Variants in TOP2A observed in about 807,000 individuals in gnomAD.
TOP2A encodes DNA topoisomerase II alpha.
TOP2A carries 68 observed loss-of-function variants against 187.2 expected under a neutral mutation model. That is an observed-to-expected ratio of 0.36 (90% CI 0.30 to 0.44). The LOEUF (loss-of-function observed/expected upper bound fraction) is 0.44. TOP2A is among the 20% of genes least tolerant of loss of function. The probability of loss-of-function intolerance (pLI) is 1.00; values close to 1 mark genes in which losing one functional copy is unlikely to be tolerated. For missense variants in TOP2A, 1,196 were observed against 1,808.7 expected (o/e 0.66, Z 6.14); for synonymous variants, 542 against 593.2 (o/e 0.91, Z 1.25).
At chr17:40,396,900 G>GTTT (rs535683283) in intron 27 of TOP2A, among the ~76,000 whole-genome samples, 4 of 135,142 alleles carry the variant, frequency 3.0e-5, no homozygotes, top group African/African-American at 1.1e-4. Context: ...TTTTTTTTTT[G>GTTT]TTTTTTTTTT....
intron 16 of TOP2A, 143 bp downstream of exon 16, chr17:40,406,241 G>T: frequency 1.6e-6 from 1 of 639,452 alleles, no homozygotes; most frequent in Non-Finnish European, 2.5e-6. Flanking sequence ...CCTTCTCTGG[G>T]ATATGCTTAC....
intron 29 of TOP2A, 36 bp downstream of exon 29, chr17:40,395,413 T>G: frequency 7.0e-7 from 1 of 1,421,866 alleles, no homozygotes. Flanking sequence ...AATTTAATCT[T>G]CACTTTATAC....
chr17:40,400,128 T>A, intron 23 of TOP2A, 61 bp from the exon 24 acceptor site: 1 of 1,584,136 alleles, frequency 6.3e-7, no homozygotes, highest in Non-Finnish European at 8.6e-7. Flanking sequence ...TTTATAAAGG[T>A]AGACTAAGAT....
intron 4 of TOP2A, among the ~76,000 whole-genome samples, chr17:40,415,125 G>A (rs2035374408): frequency 6.6e-6 from 1 of 150,782 alleles, no homozygotes; most frequent in Non-Finnish European, 1.5e-5. Context: ...TGCAATCTCG[G>A]CTCACTGCAA....
At chr17:40,399,831 A>C in intron 24 of TOP2A, 41 bp downstream of exon 24, 1 of 1,518,846 alleles carries the variant, frequency 6.6e-7, no homozygotes, top group Non-Finnish European at 8.8e-7. Flanking sequence ...AGTTTGGCGT[A>C]ACTAGAGTTT....
At chr17:40,412,719 A>G in intron 7 of TOP2A, 40 bp downstream of exon 7, 1 of 1,537,572 alleles carries the variant, frequency 6.5e-7, no homozygotes, top group Non-Finnish European at 8.9e-7. Flanking sequence ...CAATGATTAC[A>G]AAATCCCTTA....
chr17:40,408,429 C>T (rs1000547976), intron 11 of TOP2A, 63 bp downstream of exon 11: 3 of 1,448,984 alleles, frequency 2.1e-6, no homozygotes, highest in African/African-American at 2.9e-5. Context: ...CCGTGGTATG[C>T]CATTAATGAA....
In TOP2A at chr17:40,411,890, C is replaced by T; in HGVS notation, c.790-72G>A. 7.9e-7 allele frequency: 1 copy of T among 1,261,332 alleles called. No homozygotes were observed. The highest frequency in any genetic ancestry group is 1.1e-6 in the Non-Finnish European group (1 of 924,334). 78.1% of individuals were successfully genotyped at this position (1,261,332 alleles called of 1,614,324 possible). ...TAGGTTCAATGATAGACTATGAGGA[C>T]TTTCCAAAACCAATGCAATGATGTT... On this transcript the variant is annotated intron_variant, in intron 7 of 34. Coordinates refer to ENST00000423485, the MANE Select transcript of TOP2A (RefSeq NM_001067.4). This position sits in a 1 kb window ranked among gnomAD's most constrained non-coding sequence, Gnocchi z 4.4.
chr17:40,416,587 G>A, intron 2 of TOP2A, 75 bp from the exon 3 acceptor site: 1 of 1,429,154 alleles, frequency 7.0e-7, no homozygotes, highest in East Asian at 2.3e-5. Context: ...ACCATAAAGT[G>A]TTCATATTAA....
chr17:40,400,386 T>C lies in TOP2A; in HGVS notation c.2823A>G (p.Glu941=). The part of the protein sequence containing the change: ...WTQTYKEQVL[E]PMLNGTEKTP... Reference sequence around the variant, plus strand: ...TCTTCTCGGTGCCATTCAACATGGGTTCTAGAACTTGTTCTTTGTATGTCT... The same window carrying C: ...TCTTCTCGGTGCCATTCAACATGGGCTCTAGAACTTGTTCTTTGTATGTCT... The change falls in exon 23 of 35, where the codon GAA becomes GAG. Residue 941 remains glutamate (E), a synonymous_variant. Transcript: ENST00000423485. The C allele has an allele frequency of 6.2e-7, 1 of 1,613,536 alleles. No individual in the cohort carries two copies. Among genetic ancestry groups the C allele is most frequent in the African/African-American group, 1.3e-5 (1 of 75,032 alleles).
Position 40,402,902 on chromosome 17 carries a change from C to T in TOP2A, c.2432+4G>A. On this transcript the variant is annotated splice_donor_region_variant and intron_variant, in intron 20 of 34. Transcript: ENST00000423485. ...AAGTCACTAGAAAGTGAAAGCATACCTACCTGAGCATTGTAAAGATGTATC... is the reference window on the plus strand; with the variant it reads ...AAGTCACTAGAAAGTGAAAGCATACTTACCTGAGCATTGTAAAGATGTATC... 2 of 1,594,742 alleles carry T rather than the reference C, an allele frequency of 1.3e-6. No homozygotes were observed. The highest frequency in any genetic ancestry group is 1.7e-6 in the Non-Finnish European group (2 of 1,169,142).
intron 1 of TOP2A, 101 bp downstream of exon 1, chr17:40,417,670 C>T: frequency 6.3e-7 from 1 of 1,580,146 alleles, no homozygotes; most frequent in South Asian, 1.1e-5. Flanking sequence ...AAGCCGGTCG[C>T]CGGCCTGACC....
Position 40,411,030 on chromosome 17 carries a change from C to G in TOP2A, c.1203+79G>C. 1 of 1,381,474 alleles carries G rather than the reference C, an allele frequency of 7.2e-7. No individual in the cohort carries two copies. Among genetic ancestry groups the G allele is most frequent in the South Asian group, 1.5e-5 (1 of 68,036 alleles). 85.6% of individuals were successfully genotyped at this position (1,381,474 alleles called of 1,614,324 possible). ...TGGAGAAGCTCACTATGAGAAGAAT[C>G]ATTGTTTCTGCAGAGCTAAGAAGTG... On this transcript the variant is annotated intron_variant, in intron 10 of 34. Coordinates refer to ENST00000423485, the MANE Select transcript of TOP2A (RefSeq NM_001067.4). This position sits in a 1 kb window ranked among gnomAD's most constrained non-coding sequence, Gnocchi z 4.4.
At chr17:40,394,209 T>C (rs1162130035) in intron 29 of TOP2A, among the ~76,000 whole-genome samples, 1 of 143,476 alleles carries the variant, frequency 7.0e-6, no homozygotes, top group Non-Finnish European at 1.5e-5. Flanking sequence ...CTAGATTTTT[T>C]AGTGGTCACC....
intron 12 of TOP2A, 122 bp from the exon 13 acceptor site, chr17:40,407,796 TTAC>T: frequency 8.4e-7 from 1 of 1,187,402 alleles, no homozygotes; most frequent in Non-Finnish European, 1.2e-6. Flanking sequence ...AGCTTATAAT[TTAC>T]TACATCAGAA....
chr17:40,395,576 A>T, intron 28 of TOP2A, 37 bp from the exon 29 acceptor site: 1 of 1,424,784 alleles, frequency 7.0e-7, no homozygotes, highest in Non-Finnish European at 9.8e-7. Context: ...ATATAGAATA[A>T]ATTCTGAACT....
intron 27 of TOP2A, 47 bp downstream of exon 27, chr17:40,398,508 ATAT>A: frequency 2.8e-6 from 4 of 1,436,996 alleles, no homozygotes; most frequent in Non-Finnish European, 3.8e-6. Context: ...CTGCTGGAAT[ATAT>A]TATTTCATTA....
intron 20 of TOP2A, among the ~76,000 whole-genome samples, chr17:40,401,482 G>C (rs1345086946): frequency 6.6e-6 from 1 of 152,134 alleles, no homozygotes; most frequent in Non-Finnish European, 1.5e-5. Flanking sequence ...GGCTGAGGGA[G>C]GCAGATCACC....
At position 40,389,376 on chromosome 17, in the gene TOP2A, G is replaced by T; in HGVS notation, c.*143C>A. 1.2e-6 allele frequency: 1 copy of T among 859,954 alleles called. No homozygotes were observed. Among genetic ancestry groups the T allele is most frequent in the Non-Finnish European group, 1.7e-6 (1 of 577,076 alleles). The allele number at this position is 859,954 out of a possible 1,614,324, so 53.3% of individuals were successfully genotyped here. ...TATTATAAAAAGCTAAAGAACACTT[G>T]GGCTTTACTTCACTTTGATGTCTTG... On this transcript the variant is annotated 3_prime_UTR_variant, in exon 35 of 35. Coordinates refer to ENST00000423485, the MANE Select transcript of TOP2A (RefSeq NM_001067.4).
Sources: gnomAD v4.1 joint callset for allele counts (sites outside exome capture counted in the v4.1 genomes callset) on GRCh38, gnomAD v4.1.1 for gene constraint, Gnocchi (gnomAD v3.1) non-coding constraint, MANE v1.5 for transcripts, NCBI Gene and HGNC (gene_info 2026-07-23, HGNC 2026-07-21) for gene names.